KCND2: variants seen among roughly 807,000 people sequenced by gnomAD.
KCND2 encodes potassium voltage-gated channel subfamily D member 2.
KCND2 carries 16 observed loss-of-function variants against 54.4 expected under a neutral mutation model. The observed-to-expected ratio is 0.29, with a 90% CI of 0.20 to 0.45. The LOEUF (loss-of-function observed/expected upper bound fraction) is 0.45, where lower values mean the gene tolerates loss of function less well. Among genes scored for constraint, KCND2 ranks in the 20% least tolerant of loss-of-function variants. KCND2 has a pLI of 1.00. For synonymous variants in KCND2, 317 were observed against 310.7 expected, an observed-to-expected ratio of 1.02 and a Z score of -0.21; for missense variants, 486 against 824.2, an observed-to-expected ratio of 0.59 and a Z score of 5.02.
At chr7:120,395,618 C>T (rs970817071) in intron 1 of KCND2, among the ~76,000 whole-genome samples, 6 of 151,964 alleles carry the variant, frequency 3.9e-5, no homozygotes, top group Admixed American at 6.6e-5. Context: ...GCTGTTGGCA[C>T]GTGTATTTAT....
At chr7:120,638,151 T>G (rs1262502946) in intron 1 of KCND2, among the ~76,000 whole-genome samples, 1 of 152,154 alleles carries the variant, frequency 6.6e-6, no homozygotes, top group Non-Finnish European at 1.5e-5. Flanking sequence ...TTCTTAGACA[T>G]GTGCTGGTAA....
chr7:120,589,199 T>C (rs1324508328), intron 1 of KCND2, among the ~76,000 whole-genome samples: 2 of 152,152 alleles, frequency 1.3e-5, no homozygotes, highest in African/African-American at 4.8e-5. Flanking sequence ...AATAATAGAA[T>C]TATAAGTGAA....
chr7:120,284,979 G>A (rs1799318832), intron 1 of KCND2, among the ~76,000 whole-genome samples: 1 of 152,102 alleles, frequency 6.6e-6, no homozygotes, highest in African/African-American at 2.4e-5. Context: ...AATTTTTAAT[G>A]AGAGACTGAA....
At chr7:120,713,107 A>G (rs1442607095) in intron 1 of KCND2, among the ~76,000 whole-genome samples, 1 of 152,104 alleles carries the variant, frequency 6.6e-6, no homozygotes, top group East Asian at 1.9e-4. Context: ...GAGGTTACGA[A>G]CTTATTATAA....
intron 1 of KCND2, among the ~76,000 whole-genome samples, chr7:120,409,922 A>T (rs1801422432): frequency 6.6e-6 from 1 of 151,792 alleles, no homozygotes; most frequent in Non-Finnish European, 1.5e-5. Context: ...TTTTTGTTTC[A>T]AAATTTTTGC....
chr7:120,472,964 CA>C (rs1167467689), intron 1 of KCND2, among the ~76,000 whole-genome samples: 1 of 152,290 alleles, frequency 6.6e-6, no homozygotes, highest in East Asian at 1.9e-4. Flanking sequence ...ATTCACCTGT[CA>C]AAATGTAGAC....
intron 1 of KCND2, among the ~76,000 whole-genome samples, chr7:120,495,736 C>A (rs183449092): frequency 2.6e-5 from 4 of 152,100 alleles, no homozygotes; most frequent in African/African-American, 7.2e-5. Flanking sequence ...AAGGTGAAGA[C>A]AACAGTTCAA....
intron 1 of KCND2, among the ~76,000 whole-genome samples, chr7:120,442,530 GA>G (rs958086399): frequency 7.4e-5 from 11 of 148,288 alleles, no homozygotes; most frequent in Middle Eastern, 3.5e-3. Context: ...TCAACAGACT[GA>G]AAAAAAAAGG....
chr7:120,644,919 A>G (rs2116535939), intron 1 of KCND2, among the ~76,000 whole-genome samples: 1 of 152,166 alleles, frequency 6.6e-6, no homozygotes, highest in African/African-American at 2.4e-5. Flanking sequence ...ATGAATTCAC[A>G]GTTATTCTAT....
chr7:120,598,899 C>A (rs1792780896), intron 1 of KCND2, among the ~76,000 whole-genome samples: 1 of 152,032 alleles, frequency 6.6e-6, no homozygotes. Context: ...TTTAAGAAAT[C>A]TTTTACTAAT....
chr7:120,455,495 G>T (rs187495879), intron 1 of KCND2, among the ~76,000 whole-genome samples: 1 of 152,172 alleles, frequency 6.6e-6, no homozygotes, highest in African/African-American at 2.4e-5. Flanking sequence ...TATACCCAAA[G>T]GAATTTAAAT....
chr7:120,329,212 C>T (rs1006165614), intron 1 of KCND2, among the ~76,000 whole-genome samples: 4 of 151,218 alleles, frequency 2.6e-5, no homozygotes, highest in African/African-American at 7.3e-5. Flanking sequence ...ACCTCCGCCT[C>T]CTGGATTCAA....
At chr7:120,600,490 C>G (rs182556457) in intron 1 of KCND2, among the ~76,000 whole-genome samples, 1 of 152,098 alleles carries the variant, frequency 6.6e-6, no homozygotes, top group African/African-American at 2.4e-5. Flanking sequence ...TTAGATATTT[C>G]AGAATGCCAC....
chr7:120,459,020 AC>A (rs909200993), intron 1 of KCND2, among the ~76,000 whole-genome samples: 2 of 151,976 alleles, frequency 1.3e-5, no homozygotes, highest in African/African-American at 2.4e-5. Flanking sequence ...CTGGTCTCCT[AC>A]TATCCTTCCA....
intron 1 of KCND2, among the ~76,000 whole-genome samples, chr7:120,349,317 CACACACACAA>C (rs975345507): frequency 1.0e-4 from 12 of 116,510 alleles, no homozygotes; most frequent in Admixed American, 9.9e-5. Flanking sequence ...CAAACACACA[CACACACACAA>C]ACACACACAC....
intron 1 of KCND2, among the ~76,000 whole-genome samples, chr7:120,427,380 A>G (rs934103642): frequency 6.6e-6 from 1 of 152,166 alleles, no homozygotes; most frequent in African/African-American, 2.4e-5. Flanking sequence ...TTCAAATATC[A>G]TTCAGCCGGT....
At chr7:120,629,379 A>G (rs527630884) in intron 1 of KCND2, among the ~76,000 whole-genome samples, 2 of 152,188 alleles carry the variant, frequency 1.3e-5, no homozygotes, top group East Asian at 1.9e-4. Flanking sequence ...CCAGCTACTC[A>G]AGAGGCTGAG....
In KCND2 at chr7:120,748,225, T is replaced by A. The variant is rs1468675616; in HGVS notation, c.*367T>A. Reference sequence around the variant, plus strand: ...AAAAAAAATATGGAAAACATTTTGATAAAATTTTTTCCTGTTAAAACCATG... The same window carrying A: ...AAAAAAAATATGGAAAACATTTTGAAAAAATTTTTTCCTGTTAAAACCATG... On this transcript the variant is annotated 3_prime_UTR_variant, in exon 6 of 6. Coordinates refer to ENST00000331113, the MANE Select transcript of KCND2 (RefSeq NM_012281.3). 6.0e-6 allele frequency: 1 copy of A among 167,730 alleles called. No individual in the cohort carries two copies. Among genetic ancestry groups the A allele is most frequent in the Non-Finnish European group, 1.3e-5 (1 of 77,324 alleles). 10.4% of individuals were successfully genotyped at this position (167,730 alleles called of 1,614,324 possible).
chr7:120,412,065 C>G (rs1454130705), intron 1 of KCND2, among the ~76,000 whole-genome samples: 1 of 151,848 alleles, frequency 6.6e-6, no homozygotes, highest in East Asian at 1.9e-4. Context: ...TACTTTTGTT[C>G]CATCTGCTCC....
Sources: allele counts gnomAD v4.1 joint callset (sites outside exome capture counted in the v4.1 genomes callset), GRCh38; gene constraint gnomAD v4.1.1; transcripts MANE v1.5; gene names NCBI Gene and HGNC (gene_info 2026-07-23, HGNC 2026-07-21).